FRMPD4: variants seen among roughly 807,000 people sequenced by gnomAD.
FRMPD4 encodes FERM and PDZ domain containing 4.
In FRMPD4, 22 loss-of-function variants were observed where a neutral mutation model predicts 94.1. The observed-to-expected ratio is 0.23, with a 90% CI of 0.17 to 0.33. The LOEUF is 0.33. FRMPD4 is among the 10% of genes least tolerant of loss of function. The pLI is 1.00. For synonymous variants in FRMPD4, 631 were observed against 548.6 expected, an observed-to-expected ratio of 1.15 and a Z score of -2.10; for missense variants, 1,111 against 1,339.9, an observed-to-expected ratio of 0.83 and a Z score of 2.67.
At chrX:12,266,914 A>G (rs2054285384) in intron 1 of FRMPD4, among the ~76,000 whole-genome samples, 1 of 112,252 alleles carries the variant, frequency 8.9e-6, no homozygotes, top group African/African-American at 3.2e-5. Flanking sequence ...TGAAAATATC[A>G]TAAATAGAAA....
chrX:12,221,035 T>G (rs759686421), intron 1 of FRMPD4, among the ~76,000 whole-genome samples: 2 of 112,180 alleles, frequency 1.8e-5, no homozygotes, highest in African/African-American at 6.5e-5. Flanking sequence ...AAAAAGTCCA[T>G]GTATGCCCTA....
At chrX:12,416,271 C>T in intron 1 of FRMPD4, among the ~76,000 whole-genome samples, 1 of 110,664 alleles carries the variant, frequency 9.0e-6, no homozygotes, top group Admixed American at 9.6e-5. Context: ...GCAAGGACCA[C>T]AAAGCAGCTT....
At chrX:11,927,161 A>T (rs905405491) in intron 3 of FRMPD4, among the ~76,000 whole-genome samples, 3 of 110,959 alleles carry the variant, frequency 2.7e-5, no homozygotes, top group Admixed American at 9.7e-5. Flanking sequence ...AAAAAAAAAA[A>T]GTATAATATA....
rs755584751 is a variant in FRMPD4, at chrX:12,067,163, C to G, written c.95+189145C>G. Among the ~76,000 whole-genome samples, 4 of 108,602 alleles carry G rather than the reference C, an allele frequency of 3.7e-5. No homozygotes were observed. In the East Asian group the frequency reaches 1.2e-3, roughly 32 times the overall value. The allele number at this position is 108,602 out of a possible 115,157, so 94.3% of individuals were successfully genotyped here. On this transcript the variant is annotated intron_variant, in intron 3 of 18. Transcript: ENST00000640291. The stretch of plus-strand genomic sequence containing the variant: ...GGGATTACAGGCGTGAGCCACCAAG[C>G]CTGGCTAGCAGTCCCCAAGTTTTAA...
intron 1 of FRMPD4, among the ~76,000 whole-genome samples, chrX:12,155,511 A>G (rs1440197602): frequency 3.2e-5 from 3 of 93,967 alleles, no homozygotes; most frequent in African/African-American, 4.1e-5. Context: ...TTGATGTGCC[A>G]TGTCAGCACG....
At chrX:12,375,246 C>T (rs1244364586) in intron 1 of FRMPD4, 1 of 112,880 alleles carries the variant, frequency 8.9e-6, no homozygotes, top group Non-Finnish European at 1.9e-5. Context: ...ACAAATTCTA[C>T]TAATTTAGTG....
chrX:12,251,920 C>T (rs1462484996), intron 1 of FRMPD4, among the ~76,000 whole-genome samples: 1 of 112,093 alleles, frequency 8.9e-6, no homozygotes, highest in Non-Finnish European at 1.9e-5. Context: ...GCTTCATTTT[C>T]CTTGTGAAGT....
chrX:11,871,119 G>A (rs757996359), intron 2 of FRMPD4, among the ~76,000 whole-genome samples: 6 of 112,469 alleles, frequency 5.3e-5, no homozygotes, highest in East Asian at 2.8e-4. Context: ...CTTCAGGAAC[G>A]ATCCTCCATT....
At chrX:12,427,092 T>G (rs759492765) in intron 1 of FRMPD4, among the ~76,000 whole-genome samples, 4 of 111,827 alleles carry the variant, frequency 3.6e-5, no homozygotes, top group Non-Finnish European at 7.5e-5. Flanking sequence ...TGTAAAACAT[T>G]AGTTATCGTT....
chrX:11,834,748 G>T (rs1480432312), intron 1 of FRMPD4, among the ~76,000 whole-genome samples: 3 of 111,763 alleles, frequency 2.7e-5, no homozygotes, highest in Non-Finnish European at 5.6e-5. Context: ...AGGTATTTTA[G>T]TACATCAATA....
intron 3 of FRMPD4, among the ~76,000 whole-genome samples, chrX:11,964,237 G>GC (rs1257065696): frequency 7.3e-5 from 8 of 109,844 alleles, no homozygotes; most frequent in Non-Finnish European, 1.3e-4. Flanking sequence ...TCGGCTCACT[G>GC]CAAGTTCCGC....
chrX:12,599,934 A>G (rs1414921191), intron 2 of FRMPD4, among the ~76,000 whole-genome samples: 3 of 111,487 alleles, frequency 2.7e-5, no homozygotes, highest in Non-Finnish European at 5.6e-5. Context: ...AGGTGTTGAA[A>G]TGAAGGTAAA....
At chrX:12,023,364 C>T (rs2054642213) in intron 3 of FRMPD4, among the ~76,000 whole-genome samples, 1 of 111,552 alleles carries the variant, frequency 9.0e-6, no homozygotes. Context: ...GTTCAGACCC[C>T]TCAGTCATCC....
intron 3 of FRMPD4, among the ~76,000 whole-genome samples, chrX:11,962,449 C>A (rs942390094): frequency 8.9e-6 from 1 of 111,766 alleles, no homozygotes; most frequent in African/African-American, 3.3e-5. Context: ...AAAGTTCCCA[C>A]CTTTTAACAC....
chrX:11,886,493 G>A (rs2147317811), intron 3 of FRMPD4, among the ~76,000 whole-genome samples: 1 of 111,689 alleles, frequency 9.0e-6, no homozygotes, highest in Admixed American at 9.5e-5. Context: ...GACAGTGACT[G>A]TGCTTTGCCC....
At chrX:12,578,237 G>A (rs1310782922) in intron 2 of FRMPD4, among the ~76,000 whole-genome samples, 1 of 112,848 alleles carries the variant, frequency 8.9e-6, no homozygotes, top group Non-Finnish European at 1.9e-5. Context: ...CTGGGTCAGA[G>A]GATTATGCCT....
At chrX:12,033,107 G>A (rs905065477) in intron 3 of FRMPD4, among the ~76,000 whole-genome samples, 2 of 112,321 alleles carry the variant, frequency 1.8e-5, no homozygotes, top group Admixed American at 1.9e-4. Context: ...GTGGTTGTCA[G>A]CATCTTGGTG....
intron 3 of FRMPD4, among the ~76,000 whole-genome samples, chrX:11,954,230 A>G (rs2054242069): frequency 8.9e-6 from 1 of 112,573 alleles, no homozygotes; most frequent in Non-Finnish European, 1.9e-5. Context: ...TAGTAACCAA[A>G]CTTAGCATTA....
intron 2 of FRMPD4, among the ~76,000 whole-genome samples, chrX:12,518,809 A>G (rs1468259228): frequency 9.4e-6 from 1 of 106,801 alleles, no homozygotes; most frequent in Non-Finnish European, 2.0e-5. Flanking sequence ...AAACACTAAA[A>G]ATTACGTGCG....
Sources: gnomAD v4.1 joint callset for allele counts (sites outside exome capture counted in the v4.1 genomes callset) on GRCh38, gnomAD v4.1.1 for gene constraint, MANE v1.5 for transcripts, NCBI Gene and HGNC (gene_info 2026-07-23, HGNC 2026-07-21) for gene names.